PILRA: variants seen among roughly 807,000 people sequenced by gnomAD.
PILRA encodes paired immunoglobin like type 2 receptor alpha, also known as paired immunoglobulin-like type 2 receptor alpha.
Under a neutral mutation model 33.1 loss-of-function variants are expected in PILRA, and 37 were observed. That is an observed-to-expected ratio of 1.12 (90% CI 0.86 to 1.47). PILRA has a LOEUF of 1.47. Ranked by LOEUF, PILRA falls within the 40% of genes most tolerant of loss-of-function variation. PILRA has a pLI of 0.00. For synonymous variants in PILRA, 146 were observed against 149.9 expected (o/e 0.97, Z 0.19); for missense variants, 312 against 376.2 (o/e 0.83, Z 1.41).
Position 100,397,811 on chromosome 7 carries a change from CAG to C in PILRA, c.674-64_674-63del, listed in dbSNP as rs1791530682. 5 of 1,519,358 alleles carry C rather than the reference CAG, an allele frequency of 3.3e-6. No homozygotes were observed. In the South Asian group the frequency reaches 5.6e-5, roughly 17 times the overall value. 94.1% of individuals were successfully genotyped at this position (1,519,358 alleles called of 1,614,324 possible). On this transcript the variant is annotated intron_variant, in intron 3 of 6. Transcript: ENST00000198536. ...AGGAGGGCCTCAGCCTAGGGCGCAGCAGAGAAGGTGGGATGGAGACTGCCATC... is the reference window on the plus strand; with the variant it reads ...AGGAGGGCCTCAGCCTAGGGCGCAGCAGAAGGTGGGATGGAGACTGCCATC...
At chr7:100,372,498 C>T (rs1317438922), upstream of PILRA, among the ~76,000 whole-genome samples, 1 of 151,864 alleles carries the variant, frequency 6.6e-6, no homozygotes, top group East Asian at 1.9e-4. Context: ...TGGGCAGAGC[C>T]TCCTACGGAG....
chr7:100,374,432 G>A lies in PILRA; in HGVS notation c.453G>A (p.Gln151=), dbSNP rs373188096. The change falls in exon 2 of 7, where the codon CAG becomes CAA. Residue 151 remains glutamine (Q), a splice_region_variant and synonymous_variant. Transcript: ENST00000198536. ...AGGGGACCAAACTCTCCATCACCCA[G>A]GGTGAGTCCAGCTGCCCTGGCACCC... ...SIEGTKLSIT[Q]AVTTTTQRPS... 3 of 1,613,766 alleles carry A rather than the reference G, an allele frequency of 1.9e-6. No individual in the cohort carries two copies. The African/African-American group carries it at 4.0e-5, about 22-fold the overall frequency.
chr7:100,392,558 G>A (rs995930053), intron 3 of PILRA, among the ~76,000 whole-genome samples: 1 of 152,148 alleles, frequency 6.6e-6, no homozygotes, highest in Non-Finnish European at 1.5e-5. Flanking sequence ...ACTAAACAGT[G>A]GGCATTAAAC....
intron 3 of PILRA, among the ~76,000 whole-genome samples, chr7:100,397,163 G>T (rs1189948227): frequency 6.7e-6 from 1 of 148,680 alleles, no homozygotes; most frequent in Non-Finnish European, 1.5e-5. Flanking sequence ...AGTGGAAGGG[G>T]AGGTCCCTGG....
rs185362430 is a variant in PILRA at position 100,394,666 on chromosome 7, C to G, written c.674-3213C>G. Among the ~76,000 whole-genome samples, 89 of 140,826 alleles carry G rather than the reference C, an allele frequency of 6.3e-4. 1 individual carries two copies. Among genetic ancestry groups the G allele is most frequent in the Non-Finnish European group, 5.3e-4 (34 of 64,540 alleles). The allele number at this position is 140,826 out of a possible 152,430, so 92.4% of individuals were successfully genotyped here. Reference sequence around the variant, plus strand: ...ATTAATATACCAACGGAATAGAATACAGAGTCTAGAAATAAACCCTTGCGC... The same window carrying G: ...ATTAATATACCAACGGAATAGAATAGAGAGTCTAGAAATAAACCCTTGCGC... On this transcript the variant is annotated intron_variant, in intron 3 of 6. Transcript: ENST00000198536.
chr7:100,378,615 G>A (rs1295787025), intron 2 of PILRA, among the ~76,000 whole-genome samples: 1 of 151,712 alleles, frequency 6.6e-6, no homozygotes, highest in African/African-American at 2.4e-5. Flanking sequence ...TCATATAAAT[G>A]TCTCATAAGA....
Position 100,395,764 on chromosome 7 carries a change from G to A in PILRA, c.674-2115G>A, listed in dbSNP as rs117003594. ...AATGTGAAGAAATTGGGGCCCTTGCGCACTGTTGATGGGGGCTATAAAATA... is the reference window on the plus strand; with the variant it reads ...AATGTGAAGAAATTGGGGCCCTTGCACACTGTTGATGGGGGCTATAAAATA... On this transcript the variant is annotated intron_variant, in intron 3 of 6. Transcript: ENST00000198536. Among the ~76,000 whole-genome samples the A allele has an allele frequency of 3.6e-3, 547 of 152,138 alleles. 4 individuals are homozygous for A. Among genetic ancestry groups the A allele is most frequent in the African/African-American group, 0.012 (509 of 41,466 alleles).
intron 4 of PILRA, among the ~76,000 whole-genome samples, chr7:100,398,700 T>TA (rs1791550640): frequency 6.6e-6 from 1 of 152,154 alleles, no homozygotes. Context: ...AAGCAAGGAT[T>TA]GACCTTTTTC....
At chr7:100,393,677 T>C (rs1309887525) in intron 3 of PILRA, among the ~76,000 whole-genome samples, 1 of 152,196 alleles carries the variant, frequency 6.6e-6, no homozygotes, top group Non-Finnish European at 1.5e-5. Flanking sequence ...ATCACTGTTC[T>C]TAGACACTCA....
chr7:100,376,661 C>A (rs1226974722), intron 2 of PILRA, among the ~76,000 whole-genome samples: 1 of 151,170 alleles, frequency 6.6e-6, no homozygotes, highest in Non-Finnish European at 1.5e-5. Flanking sequence ...AGGGTTTCAC[C>A]ATGTTAGCCA....
chr7:100,398,558 C>A (rs905613933), intron 4 of PILRA, among the ~76,000 whole-genome samples: 1 of 152,192 alleles, frequency 6.6e-6, no homozygotes, highest in Non-Finnish European at 1.5e-5. Context: ...CTTTTGCCAG[C>A]TGCCCTTCTC....
intron 2 of PILRA, among the ~76,000 whole-genome samples, chr7:100,374,995 C>G (rs932488706): frequency 3.3e-5 from 5 of 152,146 alleles, no homozygotes; most frequent in Non-Finnish European, 7.3e-5. Flanking sequence ...TTCCTTCTCC[C>G]CCTCTGCTTC....
chr7:100,382,076 C>G (rs966634709), intron 2 of PILRA, among the ~76,000 whole-genome samples: 8 of 151,822 alleles, frequency 5.3e-5, no homozygotes, highest in South Asian at 4.2e-4. Flanking sequence ...CCCTGCTCCA[C>G]GGCGCCCGGT....
rs1414847083 is a variant in PILRA, at chr7:100,399,561, A to ACCTTGCTT, written c.758-19_758-12dup. 1 of 1,614,096 alleles carries ACCTTGCTT rather than the reference A, an allele frequency of 6.2e-7. No homozygotes were observed. Among genetic ancestry groups the ACCTTGCTT allele is most frequent in the Non-Finnish European group, 8.5e-7 (1 of 1,180,026 alleles). ...CTGTCACGCCACCTGACCTTGGCACACCTTGCTTTTTATTCTTAGGACAAA... is the reference window on the plus strand; with the variant it reads ...CTGTCACGCCACCTGACCTTGGCACACCTTGCTTCCTTGCTTTTTATTCTTAGGACAAA... On this transcript the variant is annotated intron_variant, in intron 5 of 6. Coordinates refer to ENST00000198536, the MANE Select transcript of PILRA (RefSeq NM_013439.3).
chr7:100,388,979 T>C (rs776791167), intron 2 of PILRA, among the ~76,000 whole-genome samples: 1 of 152,146 alleles, frequency 6.6e-6, no homozygotes, highest in Non-Finnish European at 1.5e-5. Flanking sequence ...GTACTCTTAA[T>C]GGTATAATTT....
At chr7:100,384,203 T>C (rs1304640429) in intron 2 of PILRA, among the ~76,000 whole-genome samples, 3 of 151,904 alleles carry the variant, frequency 2.0e-5, no homozygotes, top group Non-Finnish European at 4.4e-5. Context: ...AAGGACAGAA[T>C]TGCCATTTAC....
rs1288214409 is a variant in PILRA, at chr7:100,390,082, C to A, written c.649C>A (p.Leu217Ile). Residue 217 changes from leucine (L) to isoleucine (I), a missense_variant, in exon 3 of 7, where the codon CTC (leucine) becomes ATC (isoleucine). Physicochemically the swap from Leu to Ile is conservative, Grantham distance 5 (BLOSUM62 2). Transcript: ENST00000198536. ...AATCATGATTTTGGGACTGATCTGC[C>A]TCCTCAGGTGGAGGAGAAGGAAAGG... is the stretch of plus-strand genomic sequence containing the variant. Reference protein sequence around the residue: ...LGIMILGLICLLRWRRRKGQQ... With the variant: ...LGIMILGLICILRWRRRKGQQ... 5 of 1,613,934 alleles carry A rather than the reference C, an allele frequency of 3.1e-6. No homozygotes were observed. In the Admixed American group the frequency reaches 8.3e-5, roughly 27 times the overall value.
chr7:100,378,657 T>C (rs1379152139), intron 2 of PILRA, among the ~76,000 whole-genome samples: 2 of 150,268 alleles, frequency 1.3e-5, no homozygotes, highest in Admixed American at 6.6e-5. Context: ...GCTGAGATCA[T>C]GCAACTGCAC....
intron 2 of PILRA, among the ~76,000 whole-genome samples, chr7:100,382,656 C>A (rs990811739): frequency 6.6e-5 from 10 of 152,148 alleles, no homozygotes; most frequent in Non-Finnish European, 1.3e-4. Flanking sequence ...AGCAGGCTGC[C>A]CCCCTGAGCA....
Sources: gnomAD v4.1 joint callset for allele counts (sites outside exome capture counted in the v4.1 genomes callset) on GRCh38, gnomAD v4.1.1 for gene constraint, MANE v1.5 for transcripts, NCBI Gene and HGNC (gene_info 2026-07-23, HGNC 2026-07-21) for gene names.